Variants in PLD5 observed in about 807,000 individuals in gnomAD.
The protein encoded by PLD5 is inactive phospholipase D5.
A neutral mutation model predicts 61.1 loss-of-function variants in PLD5; 36 were observed. That is an observed-to-expected ratio of 0.59 (90% CI 0.45 to 0.78). The LOEUF (loss-of-function observed/expected upper bound fraction) is 0.78, where lower values mean the gene tolerates loss of function less well. Among genes scored for constraint, PLD5 ranks in the 30% least tolerant of loss-of-function variants. The pLI, the probability that PLD5 is intolerant of heterozygous loss-of-function variation, is 0.00. For synonymous variants in PLD5, 243 were observed against 242.8 expected, an observed-to-expected ratio of 1.00 and a Z score of -0.01; for missense variants, 515 against 644.4, an observed-to-expected ratio of 0.80 and a Z score of 2.17.
chr1:242,313,754 C>A (rs1390113236), intron 2 of PLD5, among the ~76,000 whole-genome samples: 1 of 152,086 alleles, frequency 6.6e-6, no homozygotes, highest in Admixed American at 6.6e-5. Context: ...TTTTGATGAA[C>A]AAATACAATG....
At chr1:242,265,751 A>G (rs943068252) in intron 3 of PLD5, among the ~76,000 whole-genome samples, 3 of 152,190 alleles carry the variant, frequency 2.0e-5, no homozygotes, top group African/African-American at 7.2e-5. Flanking sequence ...TTATCTACAC[A>G]TGAAGAGGCA....
At chr1:242,438,836 GATAA>G (rs1313911262) in intron 1 of PLD5, among the ~76,000 whole-genome samples, 2 of 152,114 alleles carry the variant, frequency 1.3e-5, no homozygotes, top group Non-Finnish European at 2.9e-5. Flanking sequence ...TCCTTTAATT[GATAA>G]TTAGTTTCCT....
rs1391266727 is a variant in PLD5, at chr1:242,363,430, C to A, written c.190-15188G>T. 3.4e-4 allele frequency among the ~76,000 whole-genome samples: 48 copies of A among 140,954 alleles called. 1 individual carries two copies. The highest frequency in any genetic ancestry group is 1.3e-3 in the African/African-American group (47 of 37,498). 92.5% of individuals were successfully genotyped at this position (140,954 alleles called of 152,430 possible). On this transcript the variant is annotated intron_variant, in intron 1 of 9. Transcript: ENST00000536534. ...AACAGCCACTGCACTCCAGCCTGGG[C>A]AACATGGTGAGACCCTGTCTCTTTA...
intron 4 of PLD5, among the ~76,000 whole-genome samples, chr1:242,244,626 A>G (rs1323990128): frequency 1.3e-5 from 2 of 152,192 alleles, no homozygotes; most frequent in Non-Finnish European, 2.9e-5. Flanking sequence ...AACGGCTACT[A>G]GGAAGTAAGG....
intron 5 of PLD5, among the ~76,000 whole-genome samples, chr1:242,137,835 T>TG (rs1293607441): frequency 6.6e-6 from 1 of 151,976 alleles, no homozygotes; most frequent in East Asian, 1.9e-4. Context: ...TGCCACTGAA[T>TG]GTGGGGGAAA....
rs78251303 is a variant in PLD5 at position 242,470,659 on chromosome 1, A to G, written c.189+53429T>C. On this transcript the variant is annotated intron_variant, in intron 1 of 9. Transcript: ENST00000536534. Reference sequence around the variant, plus strand: ...ATTACTATTAACACTACAAATATCAATACTCGTGGTGATGAAGGAGAGGCA... The same window carrying G: ...ATTACTATTAACACTACAAATATCAGTACTCGTGGTGATGAAGGAGAGGCA... 1.7e-3 allele frequency among the ~76,000 whole-genome samples: 258 copies of G among 152,322 alleles called. 8 individuals are homozygous for G. The East Asian group carries it at 0.04, about 24-fold the overall frequency.
At chr1:242,132,935 C>T (rs539470101) in intron 5 of PLD5, among the ~76,000 whole-genome samples, 1 of 152,086 alleles carries the variant, frequency 6.6e-6, no homozygotes, top group East Asian at 1.9e-4. Flanking sequence ...TGATTTGAAT[C>T]AAAAGGAAAA....
In PLD5 at chr1:242,152,013, C is replaced by CTT. The variant is rs113279302; in HGVS notation, c.736-27350_736-27349dup. Among the ~76,000 whole-genome samples the CTT allele has an allele frequency of 1.2e-4, 18 of 146,454 alleles. 1 individual carries two copies. Among genetic ancestry groups the CTT allele is most frequent in the African/African-American group, 4.0e-4 (16 of 40,080 alleles). ...ACATTCACACATTCAATATGTAGAA[C>CTT]TTTTTTTTTTTTCAGTGCTGCAAAG... On this transcript the variant is annotated intron_variant, in intron 5 of 9. Coordinates refer to ENST00000536534, the MANE Select transcript of PLD5 (RefSeq NM_001372062.1).
intron 6 of PLD5, among the ~76,000 whole-genome samples, chr1:242,120,556 T>C (rs1223640945): frequency 6.6e-6 from 1 of 152,184 alleles, no homozygotes; most frequent in Non-Finnish European, 1.5e-5. Flanking sequence ...TAAAGAGGAA[T>C]GTGATGCAGG....
chr1:242,483,310 A>G (rs913927512), intron 1 of PLD5, among the ~76,000 whole-genome samples: 3 of 152,178 alleles, frequency 2.0e-5, no homozygotes, highest in African/African-American at 4.8e-5. Flanking sequence ...TATTCAGGAA[A>G]CCCATCTCAC....
chr1:242,107,910 T>A, intron 7 of PLD5, 71 bp from the exon 8 acceptor site: 1 of 1,376,778 alleles, frequency 7.3e-7, no homozygotes, highest in Non-Finnish European at 9.9e-7. Flanking sequence ...CTAGACAGCA[T>A]AGAACATTGA....
At chr1:242,112,357 G>A (rs926372026) in intron 7 of PLD5, among the ~76,000 whole-genome samples, 4 of 126,498 alleles carry the variant, frequency 3.2e-5, no homozygotes, top group Non-Finnish European at 5.2e-5. Context: ...ATATATAGAT[G>A]GAGTCTCACT....
At chr1:242,397,989 G>T (rs141105282) in intron 1 of PLD5, among the ~76,000 whole-genome samples, 1 of 152,254 alleles carries the variant, frequency 6.6e-6, no homozygotes, top group Non-Finnish European at 1.5e-5. Context: ...CCCAGTCACA[G>T]ATATAGTTAA....
intron 9 of PLD5, among the ~76,000 whole-genome samples, chr1:242,098,176 C>A (rs910312333): frequency 6.6e-6 from 1 of 152,190 alleles, no homozygotes; most frequent in Non-Finnish European, 1.5e-5. Context: ...GTTCCATTCT[C>A]CCCGTCACTT....
At chr1:242,195,203 C>T (rs1668561691) in intron 5 of PLD5, among the ~76,000 whole-genome samples, 1 of 152,174 alleles carries the variant, frequency 6.6e-6, no homozygotes, top group African/African-American at 2.4e-5. Flanking sequence ...CCGCCGTCAC[C>T]TAAATGTCCT....
rs1251124116 is a variant in PLD5, at chr1:242,186,258, C to T, written c.735+33730G>A. ...AGTGCAGTGGTATAATCTCAGCTCA[C>T]TGCAACCTCCACCTCCCGGGTTCAA... is the stretch of plus-strand genomic sequence containing the variant. On this transcript the variant is annotated intron_variant, in intron 5 of 9. Coordinates refer to ENST00000536534, the MANE Select transcript of PLD5 (RefSeq NM_001372062.1). Among the ~76,000 whole-genome samples, 4 of 152,146 alleles carry T rather than the reference C, an allele frequency of 2.6e-5. No individual in the cohort carries two copies. The East Asian group carries it at 7.7e-4, about 29-fold the overall frequency.
chr1:242,338,268 T>TCC (rs1332044860), intron 2 of PLD5, among the ~76,000 whole-genome samples: 12 of 152,304 alleles, frequency 7.9e-5, no homozygotes, highest in Non-Finnish European at 1.5e-4. Context: ...CTCCACTCCC[T>TCC]CCATCAATGT....
chr1:242,125,076 C>T (rs752562726), intron 5 of PLD5, among the ~76,000 whole-genome samples: 15 of 152,124 alleles, frequency 9.9e-5, no homozygotes, highest in Non-Finnish European at 2.9e-5. Context: ...TGGAGTCAGA[C>T]TGCCTGGATT....
At chr1:242,419,572 ATTTTTTTT>A (rs767869905) in intron 1 of PLD5, among the ~76,000 whole-genome samples, 2 of 97,090 alleles carry the variant, frequency 2.1e-5, no homozygotes, top group Non-Finnish European at 3.7e-5. Flanking sequence ...AATTTTTTGC[ATTTTTTTT>A]TTTTTTTTTT....
Sources: allele counts gnomAD v4.1 joint callset (sites outside exome capture counted in the v4.1 genomes callset), GRCh38; gene constraint gnomAD v4.1.1; transcripts MANE v1.5; gene names NCBI Gene and HGNC (gene_info 2026-07-23, HGNC 2026-07-21).